Variants in SOX13 observed in about 807,000 individuals in gnomAD.
The protein encoded by SOX13 is SRY-box transcription factor 13, also known as transcription factor SOX-13.
In SOX13, 28 loss-of-function variants were observed where a neutral mutation model predicts 71.8. That is an observed-to-expected ratio of 0.39 (90% CI 0.29 to 0.53). The LOEUF (loss-of-function observed/expected upper bound fraction) is 0.53. Ranked by LOEUF, SOX13 falls within the 20% of genes least tolerant of loss-of-function variation. SOX13 has a pLI of 0.70. For synonymous variants in SOX13, 309 were observed against 317.8 expected (o/e 0.97, Z 0.29); for missense variants, 627 against 810.3 (o/e 0.77, Z 2.75).
In SOX13 at chr1:204,123,145, G is replaced by A. The variant is rs181852086; in HGVS notation, c.1168G>A (p.Glu390Lys). 9.9e-6 allele frequency: 16 copies of A among 1,613,752 alleles called. No homozygotes were observed. In the Admixed American group the frequency reaches 1.0e-4, roughly 10 times the overall value. ...CAGCCTGGACTCATCCCCAGCCAAG[G>A]AGCGGCTGGAGGACGGCTGTGTGCA... ...LISLDSSPAK[E>K]RLEDGCVHPL... The change falls in exon 11 of 14, where the codon GAG (glutamate) becomes AAG (lysine). Residue 390 changes from glutamate to lysine, a missense_variant. By Grantham distance (56) the Glu-to-Lys change is moderately conservative. This residue lies in a region of SOX13 where 447 missense variants were observed against 532.2 expected (regional missense o/e 0.84). Transcript: ENST00000367204. This position sits in a 1 kb window ranked among gnomAD's most constrained non-coding sequence, Gnocchi z 5.0.
chr1:204,102,427 G>C (rs902376774), intron 1 of SOX13, among the ~76,000 whole-genome samples: 1 of 152,178 alleles, frequency 6.6e-6, no homozygotes, highest in African/African-American at 2.4e-5. Flanking sequence ...TCATCAGCCG[G>C]GGAAGGGAAG....
intron 1 of SOX13, among the ~76,000 whole-genome samples, chr1:204,075,727 C>G (rs1018431280): frequency 6.6e-6 from 1 of 152,192 alleles, no homozygotes; most frequent in Admixed American, 6.5e-5. Flanking sequence ...TTTAACTTAA[C>G]CTCTGTGCCT....
intron 1 of SOX13, among the ~76,000 whole-genome samples, chr1:204,103,253 C>T (rs1056328593): frequency 2.6e-5 from 4 of 152,332 alleles, no homozygotes; most frequent in Admixed American, 2.0e-4. Flanking sequence ...TTTTCCTTGG[C>T]TATGACTCAA....
At chr1:204,117,066 C>CT in intron 5 of SOX13, 56 bp from the exon 6 acceptor site, 1 of 1,562,344 alleles carries the variant, frequency 6.4e-7, no homozygotes, top group African/African-American at 1.4e-5. Context: ...GCTGGGCAGA[C>CT]TGGGCACCAG....
Position 204,122,970 on chromosome 1 carries a change from T to G in SOX13, c.1134+7T>G, listed in dbSNP as rs1388789457. 6.4e-7 allele frequency: 1 copy of G among 1,561,584 alleles called. No homozygotes were observed. Among genetic ancestry groups the G allele is most frequent in the Non-Finnish European group, 8.8e-7 (1 of 1,141,796 alleles). ...CAACACCCCCTTCCGTAAGGTATGG[T>G]CCCCCACTCCCTTGAGCCTAGGGGC... On this transcript the variant is annotated splice_region_variant and intron_variant, in intron 10 of 13. Transcript: ENST00000367204.
At chr1:204,110,835 T>G (rs1421264999) in intron 1 of SOX13, among the ~76,000 whole-genome samples, 1 of 152,112 alleles carries the variant, frequency 6.6e-6, no homozygotes, top group African/African-American at 2.4e-5. Flanking sequence ...ATTTTTTTAC[T>G]GTAGGGATAT....
chr1:204,111,854 C>T (rs561837234), intron 1 of SOX13, among the ~76,000 whole-genome samples: 2 of 152,206 alleles, frequency 1.3e-5, no homozygotes, highest in South Asian at 2.1e-4. Flanking sequence ...TATTTCCCCC[C>T]GTGTGATAGA....
Position 204,117,739 on chromosome 1 carries a change from G to A in SOX13, c.775+32G>A, listed in dbSNP as rs185065841. On this transcript the variant is annotated intron_variant, in intron 7 of 13. Coordinates refer to ENST00000367204, the MANE Select transcript of SOX13 (RefSeq NM_005686.3). ...GTGAGAAGGGAGGTTCCACCACTGC[G>A]GCCAGCCTGTCCTGAGGTCAGGGAA... 546 of 1,474,828 alleles carry A rather than the reference G, an allele frequency of 3.7e-4. 1 individual carries two copies. Among genetic ancestry groups the A allele is most frequent in the African/African-American group, 8.3e-4 (60 of 72,082 alleles). 91.4% of individuals were successfully genotyped at this position (1,474,828 alleles called of 1,614,324 possible).
rs781502804 is a variant in SOX13 at position 204,101,504 on chromosome 1, T to TAAAAAAAAAA, written c.-1-11406_-1-11397dup. On this transcript the variant is annotated intron_variant, in intron 1 of 13. Coordinates refer to ENST00000367204, the MANE Select transcript of SOX13 (RefSeq NM_005686.3). The stretch of plus-strand genomic sequence containing the variant: ...AACATAGCGAGATTCCCTCTTTATT[T>TAAAAAAAAAA]AAAAAAAAAAAAAAGTGGCAGGAGG... Among the ~76,000 whole-genome samples, 4 of 134,594 alleles carry TAAAAAAAAAA rather than the reference T, an allele frequency of 3.0e-5. 1 individual carries two copies. Among genetic ancestry groups the TAAAAAAAAAA allele is most frequent in the Non-Finnish European group, 4.6e-5 (3 of 64,660 alleles). The allele number at this position is 134,594 out of a possible 152,430, so 88.3% of individuals were successfully genotyped here. A position where few individuals can be genotyped will look rare whatever the true frequency, so the allele number is the denominator to read the frequency against.
chr1:204,104,881 G>T (rs978767080), intron 1 of SOX13, among the ~76,000 whole-genome samples: 2 of 151,562 alleles, frequency 1.3e-5, no homozygotes, highest in Non-Finnish European at 2.9e-5. Flanking sequence ...GAGGGAGGAA[G>T]GACTGACAGT....
At chr1:204,104,796 C>A (rs145796864) in intron 1 of SOX13, among the ~76,000 whole-genome samples, 1 of 152,124 alleles carries the variant, frequency 6.6e-6, no homozygotes, top group Non-Finnish European at 1.5e-5. Context: ...CGTCATGCTA[C>A]GATGACTGGA....
chr1:204,096,660 C>G (rs923664748), intron 1 of SOX13, among the ~76,000 whole-genome samples: 1 of 151,952 alleles, frequency 6.6e-6, no homozygotes, highest in East Asian at 1.9e-4. Context: ...TGTGATCCAC[C>G]CACCTCAGAC....
intron 12 of SOX13, 96 bp from the exon 13 acceptor site, chr1:204,124,545 C>G: frequency 1.0e-6 from 1 of 995,174 alleles, no homozygotes; most frequent in Non-Finnish European, 1.5e-6. Context: ...TCTTATGGAC[C>G]CACCTGGGGA....
chr1:204,094,963 C>T (rs1656222154), intron 1 of SOX13, among the ~76,000 whole-genome samples: 1 of 152,154 alleles, frequency 6.6e-6, no homozygotes, highest in African/African-American at 2.4e-5. Context: ...GGAAGGCTGC[C>T]CAGTTCCTCT....
rs189996761 is a variant in SOX13, at chr1:204,082,196, G to A, written c.-2+8485G>A. 4.0e-3 allele frequency among the ~76,000 whole-genome samples: 600 copies of A among 151,532 alleles called. 4 individuals carry two copies. Among genetic ancestry groups the A allele is most frequent in the African/African-American group, 0.014 (569 of 41,330 alleles). ...GTGTTTGTGAAGGGCTGAGCGTGATGTGTGTATCTATGAGTGTGATGTGTG... is the reference window on the plus strand; with the variant it reads ...GTGTTTGTGAAGGGCTGAGCGTGATATGTGTATCTATGAGTGTGATGTGTG... On this transcript the variant is annotated intron_variant, in intron 1 of 13. Coordinates refer to ENST00000367204, the MANE Select transcript of SOX13 (RefSeq NM_005686.3).
chr1:204,083,524 T>C (rs959050226), intron 1 of SOX13, among the ~76,000 whole-genome samples: 1 of 152,202 alleles, frequency 6.6e-6, no homozygotes. Context: ...CTCCTTGATC[T>C]CTAAGGAGAT....
intron 1 of SOX13, among the ~76,000 whole-genome samples, chr1:204,089,531 T>G (rs991138934): frequency 2.0e-5 from 3 of 152,154 alleles, no homozygotes; most frequent in African/African-American, 7.2e-5. Flanking sequence ...GGAGCAGCTG[T>G]GTGAGGGGAC....
intron 4 of SOX13, among the ~76,000 whole-genome samples, chr1:204,114,923 C>T (rs776940333): frequency 6.6e-6 from 1 of 152,180 alleles, no homozygotes. Flanking sequence ...AGAAAGTTCC[C>T]TTTCACTCTA....
At chr1:204,114,279 C>G (rs766225430) in intron 2 of SOX13, 42 bp from the exon 3 acceptor site, 9 of 1,385,348 alleles carry the variant, frequency 6.5e-6, no homozygotes, top group Admixed American at 5.9e-5. Flanking sequence ...AGCCTGTCCC[C>G]TTCTCTTGGG....
Sources: allele counts gnomAD v4.1 joint callset (sites outside exome capture counted in the v4.1 genomes callset), GRCh38; gene constraint gnomAD v4.1.1; regional missense constraint gnomAD v4.1.1; non-coding constraint Gnocchi (gnomAD v3.1); transcripts MANE v1.5; gene names NCBI Gene and HGNC (gene_info 2026-07-23, HGNC 2026-07-21).